CAMTA1: variants seen among roughly 807,000 people sequenced by gnomAD.
CAMTA1 encodes the protein calmodulin binding transcription activator 1, also known as calmodulin-binding transcription activator 1.
Under a neutral mutation model 170.9 loss-of-function variants are expected in CAMTA1, and 27 were observed. That is an observed-to-expected ratio of 0.16 (90% CI 0.12 to 0.22). The LOEUF (loss-of-function observed/expected upper bound fraction) is 0.22, where lower values mean the gene tolerates loss of function less well. Among genes scored for constraint, CAMTA1 ranks in the 10% least tolerant of loss-of-function variants. CAMTA1 has a pLI of 1.00. For missense variants in CAMTA1, 1,619 were observed against 2,217.2 expected (o/e 0.73, Z 5.42); for synonymous variants, 833 against 891.5 (o/e 0.93, Z 1.17).
chr1:7,434,700 C>G (rs1000006903), intron 5 of CAMTA1, among the ~76,000 whole-genome samples: 1 of 152,096 alleles, frequency 6.6e-6, no homozygotes, highest in Non-Finnish European at 1.5e-5. Flanking sequence ...GTGCCAGCAT[C>G]TTACCTAGTG....
chr1:7,528,162 C>G (rs1033424191), intron 6 of CAMTA1, among the ~76,000 whole-genome samples: 1 of 152,198 alleles, frequency 6.6e-6, no homozygotes, highest in Non-Finnish European at 1.5e-5. Flanking sequence ...CGAGAGCAGA[C>G]TGATCTTGTT....
At chr1:7,197,506 G>A (rs1438871947) in intron 4 of CAMTA1, among the ~76,000 whole-genome samples, 2 of 151,704 alleles carry the variant, frequency 1.3e-5, no homozygotes, top group African/African-American at 4.8e-5. Context: ...AAAGAGGTGG[G>A]GGCTCAGAGC....
chr1:7,480,108 C>T (rs201937487), intron 6 of CAMTA1, among the ~76,000 whole-genome samples: 6 of 145,212 alleles, frequency 4.1e-5, no homozygotes, highest in Non-Finnish European at 7.6e-5. Context: ...TGTGTGAGAG[C>T]GTGTGTGTGT....
In CAMTA1 at chr1:7,663,875, C is replaced by G; in HGVS notation, c.1328C>G (p.Ala443Gly). 1 of 1,614,026 alleles carries G rather than the reference C, an allele frequency of 6.2e-7. No homozygotes were observed. ...GTGAGCTCTGATGGCCACAAGTTCG[C>G]CTTTCCCACCACGGGCAGCTCGGAG... ...LAVSSDGHKFAFPTTGSSESL... is the reference protein window; with the variant it reads ...LAVSSDGHKFGFPTTGSSESL... The change falls in exon 9 of 23, where the codon GCC becomes GGC. Residue 443 changes from alanine to glycine, a missense_variant. Coordinates refer to ENST00000303635, the MANE Select transcript of CAMTA1 (RefSeq NM_015215.4).
intron 5 of CAMTA1, among the ~76,000 whole-genome samples, chr1:7,439,031 G>A (rs1284170718): frequency 6.6e-6 from 1 of 152,196 alleles, no homozygotes; most frequent in Non-Finnish European, 1.5e-5. Flanking sequence ...GGCTCTGAGA[G>A]GGAAGGCCAC....
At chr1:6,988,593 T>A (rs114584054) in intron 3 of CAMTA1, among the ~76,000 whole-genome samples, 2 of 151,896 alleles carry the variant, frequency 1.3e-5, no homozygotes, top group Non-Finnish European at 2.9e-5. Context: ...GCCTTTTGGA[T>A]TCCCCCCCAC....
rs540520596 is a variant in CAMTA1, at chr1:7,653,209, C to T, written c.665-8517C>T. Among the ~76,000 whole-genome samples, 8 of 152,304 alleles carry T rather than the reference C, an allele frequency of 5.3e-5. No homozygotes were observed. The South Asian group carries it at 1.0e-3, about 20-fold the overall frequency. On this transcript the variant is annotated intron_variant, in intron 7 of 22. Coordinates refer to ENST00000303635, the MANE Select transcript of CAMTA1 (RefSeq NM_015215.4). Reference sequence around the variant, plus strand: ...TGCTCCACAGGAGAGTGTCTGGCCCCGTGCCCTGCCCACAGCAGAGGCTCA... The same window carrying T: ...TGCTCCACAGGAGAGTGTCTGGCCCTGTGCCCTGCCCACAGCAGAGGCTCA...
intron 6 of CAMTA1, among the ~76,000 whole-genome samples, chr1:7,548,331 T>C (rs2094728562): frequency 6.6e-6 from 1 of 152,144 alleles, no homozygotes; most frequent in African/African-American, 2.4e-5. Flanking sequence ...CTGGCAAGCC[T>C]CCTTAAGGAG....
At chr1:7,060,961 G>A (rs1481597877) in intron 3 of CAMTA1, among the ~76,000 whole-genome samples, 2 of 152,186 alleles carry the variant, frequency 1.3e-5, no homozygotes, top group Non-Finnish European at 2.9e-5. Flanking sequence ...CTCAGGAGGA[G>A]CAGATCATTT....
chr1:7,528,255 G>T (rs911516453), intron 6 of CAMTA1, among the ~76,000 whole-genome samples: 4 of 152,096 alleles, frequency 2.6e-5, no homozygotes, highest in African/African-American at 9.7e-5. Flanking sequence ...AGCCCTCAAG[G>T]AAAAAGGCCT....
chr1:7,512,499 C>T (rs1374570703), intron 6 of CAMTA1, among the ~76,000 whole-genome samples: 1 of 152,210 alleles, frequency 6.6e-6, no homozygotes, highest in African/African-American at 2.4e-5. Context: ...TGATTGTAGG[C>T]AGATTCAGTG....
intron 3 of CAMTA1, among the ~76,000 whole-genome samples, chr1:7,059,374 T>G (rs893424917): frequency 6.6e-6 from 1 of 152,094 alleles, no homozygotes; most frequent in African/African-American, 2.4e-5. Flanking sequence ...TCTCAGCACT[T>G]TGGGAGGCCA....
chr1:7,451,464 C>T (rs1222158042), intron 5 of CAMTA1, among the ~76,000 whole-genome samples: 8 of 152,128 alleles, frequency 5.3e-5, no homozygotes, highest in East Asian at 1.9e-4. Context: ...TGAGTCAGCT[C>T]GCCCCATCCC....
intron 5 of CAMTA1, among the ~76,000 whole-genome samples, chr1:7,289,556 A>C (rs1330987733): frequency 6.6e-6 from 1 of 152,196 alleles, no homozygotes; most frequent in African/African-American, 2.4e-5. Context: ...TGGGTTGAAT[A>C]GTATCCTCCC....
intron 11 of CAMTA1, among the ~76,000 whole-genome samples, chr1:7,697,314 C>T (rs948628281): frequency 2.6e-5 from 4 of 152,182 alleles, no homozygotes; most frequent in African/African-American, 7.2e-5. Flanking sequence ...AACTTCATCC[C>T]GGCCGTATTC....
chr1:7,161,782 C>T (rs544254885), intron 4 of CAMTA1, among the ~76,000 whole-genome samples: 4 of 152,270 alleles, frequency 2.6e-5, no homozygotes, highest in Non-Finnish European at 2.9e-5. Context: ...CCATTCCATC[C>T]GGGCACCAAG....
At chr1:7,452,144 G>T (rs1010482640) in intron 5 of CAMTA1, among the ~76,000 whole-genome samples, 3 of 152,198 alleles carry the variant, frequency 2.0e-5, no homozygotes, top group Admixed American at 6.5e-5. Flanking sequence ...TCAGCACCTC[G>T]AATGGGGCCT....
chr1:7,170,930 A>G (rs1416388185), intron 4 of CAMTA1, among the ~76,000 whole-genome samples: 1 of 152,126 alleles, frequency 6.6e-6, no homozygotes, highest in Non-Finnish European at 1.5e-5. Context: ...AATGTTTTCC[A>G]TTTTGTGGGT....
intron 6 of CAMTA1, among the ~76,000 whole-genome samples, chr1:7,514,105 G>C (rs572631599): frequency 6.6e-6 from 1 of 152,304 alleles, no homozygotes; most frequent in East Asian, 1.9e-4. Flanking sequence ...TGAATTTGGG[G>C]GATGTGAATC....
Sources: allele counts gnomAD v4.1 joint callset (sites outside exome capture counted in the v4.1 genomes callset), GRCh38; gene constraint gnomAD v4.1.1; transcripts MANE v1.5; gene names NCBI Gene and HGNC (gene_info 2026-07-23, HGNC 2026-07-21).